The following VPS13D variants were observed in gnomAD, a reference collection of about 807,000 sequenced individuals.
The protein encoded by VPS13D is vacuolar protein sorting 13 homolog D, also known as intermembrane lipid transfer protein VPS13D.
A neutral mutation model predicts 461.9 loss-of-function variants in VPS13D; 187 were observed. The observed-to-expected ratio is 0.40, with a 90% CI of 0.36 to 0.46. VPS13D has a LOEUF of 0.46. VPS13D is among the 20% of genes least tolerant of loss of function. The pLI is 0.60. For synonymous variants in VPS13D, 1,951 were observed against 1,986.3 expected (o/e 0.98, Z 0.47); for missense variants, 4,711 against 5,364.9 (o/e 0.88, Z 3.81).
rs775824816 is a variant in VPS13D, at chr1:12,318,182, T to C, written c.7259T>C (p.Ile2420Thr). The C allele has an allele frequency of 5.0e-6, 8 of 1,614,072 alleles. No individual in the cohort carries two copies. Among genetic ancestry groups the C allele is most frequent in the Admixed American group, 1.7e-5 (1 of 59,994 alleles). The change falls in exon 31 of 70, where the codon ATT becomes ACT. Residue 2420 changes from isoleucine to threonine, a missense_variant. Around this residue, in one of 3 missense-constraint regions of VPS13D, gnomAD observed 4,411 missense variants for 4,937.8 expected, o/e 0.89. Transcript: ENST00000620676. ...GATTTTCTCCACACTCCCAGTGATA[T>C]TAAGAAACAAAATCATGTTACTCCT... ...VHDFLHTPSD[I>T]KKQNHVTPSR...
chr1:12,481,639 C>G (rs1645718776), intron 67 of VPS13D, among the ~76,000 whole-genome samples: 1 of 152,148 alleles, frequency 6.6e-6, no homozygotes, highest in Non-Finnish European at 1.5e-5. Flanking sequence ...CCACCTGGAT[C>G]ATTAATTCTG....
chr1:12,259,021 ATTTTC>A (rs1035327279), intron 10 of VPS13D, among the ~76,000 whole-genome samples: 3 of 150,636 alleles, frequency 2.0e-5, no homozygotes, highest in African/African-American at 4.9e-5. Flanking sequence ...ATTTTGGATG[ATTTTC>A]TTTTCTTTTC....
chr1:12,233,351 C>T (rs1640044459), intron 1 of VPS13D, among the ~76,000 whole-genome samples: 1 of 152,174 alleles, frequency 6.6e-6, no homozygotes, highest in Admixed American at 6.5e-5. Flanking sequence ...CATTTTCTGT[C>T]TTAATCTAGG....
At chr1:12,324,566 A>G (rs1643130883) in intron 35 of VPS13D, among the ~76,000 whole-genome samples, 2 of 152,190 alleles carry the variant, frequency 1.3e-5, no homozygotes, top group Non-Finnish European at 2.9e-5. Flanking sequence ...GCCACTACCT[A>G]TTAATGACTT....
intron 25 of VPS13D, among the ~76,000 whole-genome samples, chr1:12,301,687 G>T (rs1170692775): frequency 3.3e-5 from 5 of 152,316 alleles, no homozygotes; most frequent in East Asian, 3.9e-4. Flanking sequence ...TCAATCTCTA[G>T]CCCCGCTGCT....
intron 65 of VPS13D, among the ~76,000 whole-genome samples, chr1:12,452,759 A>T (rs992404221): frequency 6.6e-6 from 1 of 152,192 alleles, no homozygotes; most frequent in African/African-American, 2.4e-5. Context: ...GTAAAATCTG[A>T]TTAACTACTC....
intron 50 of VPS13D, among the ~76,000 whole-genome samples, chr1:12,361,369 ATTTTTATTTATTTATT>A (rs1298066104): frequency 2.8e-5 from 4 of 141,842 alleles, no homozygotes; most frequent in African/African-American, 1.1e-4. Flanking sequence ...TTTTATTTTT[ATTTTTATTTATTTATT>A]TATTTATTTA....
intron 5 of VPS13D, among the ~76,000 whole-genome samples, chr1:12,247,511 C>A (rs757351200): frequency 4.6e-5 from 7 of 150,790 alleles, no homozygotes; most frequent in African/African-American, 9.8e-5. Flanking sequence ...CCAAAAAAAA[C>A]CCAAAAAAAA....
At chr1:12,383,910 C>G (rs1299998556) in intron 58 of VPS13D, among the ~76,000 whole-genome samples, 2 of 152,116 alleles carry the variant, frequency 1.3e-5, no homozygotes, top group African/African-American at 2.4e-5. Context: ...TGATCCTCAG[C>G]CCAAGTGGCA....
chr1:12,333,981 A>C (rs573310402), intron 38 of VPS13D, among the ~76,000 whole-genome samples: 22 of 152,348 alleles, frequency 1.4e-4, no homozygotes, highest in Non-Finnish European at 2.5e-4. Context: ...CTTCACTGTG[A>C]AAACTCACAT....
intron 20 of VPS13D, among the ~76,000 whole-genome samples, chr1:12,281,781 G>C (rs541872878): frequency 6.6e-6 from 1 of 152,190 alleles, no homozygotes; most frequent in East Asian, 1.9e-4. Context: ...ATTTAATTAG[G>C]GGTTACAAAA....
At chr1:12,281,919 ACT>A (rs1178506354) in intron 20 of VPS13D, among the ~76,000 whole-genome samples, 3 of 149,636 alleles carry the variant, frequency 2.0e-5, no homozygotes, top group Non-Finnish European at 3.0e-5. Context: ...ACAGGGTCTC[ACT>A]CTGTGGCCCA....
chr1:12,369,704 T>C lies in VPS13D; in HGVS notation c.10808+2T>C, dbSNP rs1186250174. 3 of 1,611,802 alleles carry C rather than the reference T, an allele frequency of 1.9e-6. No homozygotes were observed. The highest frequency in any genetic ancestry group is 1.3e-5 in the African/African-American group (1 of 74,834). On this transcript the variant is annotated splice_donor_variant, in intron 54 of 69. Transcript: ENST00000620676. LOFTEE classifies it high-confidence loss of function. ...TGCTGCTACATATACATTCTCTGGGTAATTCTTGATTAAATTACTGTTCCT... is the reference window on the plus strand; with the variant it reads ...TGCTGCTACATATACATTCTCTGGGCAATTCTTGATTAAATTACTGTTCCT...
intron 68 of VPS13D, chr1:12,499,902 C>T: frequency 3.0e-6 from 3 of 985,396 alleles, no homozygotes; most frequent in Non-Finnish European, 3.6e-6. Context: ...CAAATTATAC[C>T]TCTGACTTTT....
intron 2 of VPS13D, among the ~76,000 whole-genome samples, chr1:12,235,278 A>G (rs1273494461): frequency 6.6e-6 from 1 of 152,136 alleles, no homozygotes; most frequent in Admixed American, 6.6e-5. Context: ...CACATGTTCC[A>G]TTAAATGTGT....
intron 62 of VPS13D, among the ~76,000 whole-genome samples, chr1:12,402,336 C>T (rs1232428867): frequency 6.6e-6 from 1 of 152,204 alleles, no homozygotes; most frequent in Non-Finnish European, 1.5e-5. Flanking sequence ...ACAGCCTTTC[C>T]TTCCGCTCTT....
At chr1:12,498,034 A>G (rs1039677484) in intron 68 of VPS13D, among the ~76,000 whole-genome samples, 1 of 152,228 alleles carries the variant, frequency 6.6e-6, no homozygotes, top group African/African-American at 2.4e-5. Flanking sequence ...GCAAACAACT[A>G]ATAGTTGGAC....
intron 52 of VPS13D, among the ~76,000 whole-genome samples, chr1:12,366,842 A>G (rs879707422): frequency 6.6e-6 from 1 of 152,234 alleles, no homozygotes; most frequent in Non-Finnish European, 1.5e-5. Context: ...ACATGAACAC[A>G]CATTTTCCTT....
intron 19 of VPS13D, among the ~76,000 whole-genome samples, chr1:12,278,357 A>C (rs991502445): frequency 6.6e-6 from 1 of 151,816 alleles, no homozygotes; most frequent in Non-Finnish European, 1.5e-5. Flanking sequence ...TGCAACCTCT[A>C]CCTCCCAGGT....
Sources: gnomAD v4.1 joint callset for allele counts (sites outside exome capture counted in the v4.1 genomes callset) on GRCh38, gnomAD v4.1.1 for gene constraint, gnomAD v4.1.1 regional missense constraint, MANE v1.5 for transcripts, NCBI Gene and HGNC (gene_info 2026-07-23, HGNC 2026-07-21) for gene names.